ANO3: variants seen among roughly 807,000 people sequenced by gnomAD.
ANO3 encodes the protein anoctamin-3.
In ANO3, 99 loss-of-function variants were observed where a neutral mutation model predicts 144.8. The observed-to-expected ratio is 0.68, with a 90% CI of 0.58 to 0.81. The LOEUF (loss-of-function observed/expected upper bound fraction) is 0.81. Among genes scored for constraint, ANO3 ranks in the 30% least tolerant of loss-of-function variants. The probability of loss-of-function intolerance (pLI) is 0.00; values close to 1 mark genes in which losing one functional copy is unlikely to be tolerated. For synonymous variants in ANO3, 414 were observed against 392.6 expected, an observed-to-expected ratio of 1.05 and a Z score of -0.64; for missense variants, 905 against 1,202.2, an observed-to-expected ratio of 0.75 and a Z score of 3.66.
intron 1 of ANO3, among the ~76,000 whole-genome samples, chr11:26,244,132 G>GAAAAGA (rs201198997): frequency 7.0e-4 from 98 of 139,362 alleles, no homozygotes; most frequent in South Asian, 1.8e-3. Flanking sequence ...AAAAAAAAAA[G>GAAAAGA]AAAAGAAAAA....
intron 14 of ANO3, among the ~76,000 whole-genome samples, chr11:26,573,559 C>T (rs1449445044): frequency 6.6e-6 from 1 of 152,112 alleles, no homozygotes; most frequent in African/African-American, 2.4e-5. Flanking sequence ...GCCTTTTCTG[C>T]AATATGTGTG....
chr11:26,388,145 C>A (rs12287626), intron 1 of ANO3, among the ~76,000 whole-genome samples: 39,809 of 148,594 alleles, frequency 0.27, 5,926 homozygotes, highest in African/African-American at 0.41. Context: ...TATTTTTTAT[C>A]AACTTTGTAT....
intron 2 of ANO3, among the ~76,000 whole-genome samples, chr11:26,442,569 G>T (rs1783009766): frequency 6.6e-6 from 1 of 152,168 alleles, no homozygotes; most frequent in Admixed American, 6.5e-5. Flanking sequence ...GGCAACCCAA[G>T]GCTGGTGTGC....
intron 1 of ANO3, among the ~76,000 whole-genome samples, chr11:26,224,248 T>G (rs112956744): frequency 7.1e-4 from 108 of 152,310 alleles, no homozygotes; most frequent in African/African-American, 2.5e-3. Flanking sequence ...AGTGACTGGA[T>G]GCACAGGGCC....
chr11:26,207,425 T>G (rs751607129), intron 1 of ANO3, among the ~76,000 whole-genome samples: 5 of 152,140 alleles, frequency 3.3e-5, no homozygotes, highest in Non-Finnish European at 7.4e-5. Context: ...CGGGTTTGCA[T>G]TCACATATTT....
chr11:26,226,589 C>G (rs1852261821), intron 1 of ANO3, among the ~76,000 whole-genome samples: 1 of 151,962 alleles, frequency 6.6e-6, no homozygotes, highest in Non-Finnish European at 1.5e-5. Flanking sequence ...TTCCCTTCTC[C>G]CCTACTTAAT....
At chr11:26,404,931 A>ATGTG (rs779394110) in intron 1 of ANO3, among the ~76,000 whole-genome samples, 1,172 of 39,246 alleles carry the variant, frequency 0.03, 9 homozygotes, top group South Asian at 0.087. Flanking sequence ...GAATTTATAT[A>ATGTG]TATGTGTGTG....
chr11:26,578,480 G>C (rs955929040), intron 14 of ANO3, among the ~76,000 whole-genome samples: 1 of 152,156 alleles, frequency 6.6e-6, no homozygotes, highest in Non-Finnish European at 1.5e-5. Context: ...GATACAAAAG[G>C]CTTTGCCTTG....
intron 1 of ANO3, among the ~76,000 whole-genome samples, chr11:26,217,116 G>A (rs1852049349): frequency 6.6e-6 from 1 of 151,878 alleles, no homozygotes; most frequent in Non-Finnish European, 1.5e-5. Flanking sequence ...CACATTTGAT[G>A]TTGTACCTAA....
intron 1 of ANO3, among the ~76,000 whole-genome samples, chr11:26,299,957 G>A (rs1159303215): frequency 1.3e-5 from 2 of 152,108 alleles, no homozygotes; most frequent in Non-Finnish European, 2.9e-5. Flanking sequence ...GATATAGGGA[G>A]GAGGTGTTGG....
rs1442613633 is a variant in ANO3 at position 26,501,877 on chromosome 11, AC to A, written c.433-6225del. ...AATAGGGTGCTGGAACAGTTGGATA[AC>A]CATGTGAGAGGGTGGTATAAAGAAG... On this transcript the variant is annotated intron_variant, in intron 4 of 26. Coordinates refer to ENST00000256737, the MANE Select transcript of ANO3 (RefSeq NM_031418.4). Among the ~76,000 whole-genome samples the A allele has an allele frequency of 2.0e-5, 3 of 152,302 alleles. No individual in the cohort carries two copies. In the East Asian group the frequency reaches 5.8e-4, roughly 29 times the overall value.
At chr11:26,506,821 G>A (rs1290265842) in intron 4 of ANO3, among the ~76,000 whole-genome samples, 6 of 152,208 alleles carry the variant, frequency 3.9e-5, no homozygotes, top group South Asian at 2.1e-4. Context: ...TGAATGACTC[G>A]TTGGCCTTTA....
rs780175936 is a variant in ANO3, at chr11:26,553,225, T to G, written c.1290-24T>G. 6 of 1,255,390 alleles carry G rather than the reference T, an allele frequency of 4.8e-6. 1 individual carries two copies. The highest frequency in any genetic ancestry group is 1.3e-5 in the South Asian group (1 of 78,408). 77.8% of individuals were successfully genotyped at this position (1,255,390 alleles called of 1,614,324 possible). On this transcript the variant is annotated intron_variant, in intron 12 of 26. Coordinates refer to ENST00000256737, the MANE Select transcript of ANO3 (RefSeq NM_031418.4). Reference sequence around the variant, plus strand: ...CAGTTTCATGCTATGTTTTGTTTTGTTTTTGTTTTTGTTTTTTCTCAAGCC... The same window carrying G: ...CAGTTTCATGCTATGTTTTGTTTTGGTTTTGTTTTTGTTTTTTCTCAAGCC...
In ANO3 at chr11:26,436,568, C is replaced by T. The variant is rs190365273; in HGVS notation, c.47-5350C>T. On this transcript the variant is annotated intron_variant, in intron 1 of 26. Coordinates refer to ENST00000256737, the MANE Select transcript of ANO3 (RefSeq NM_031418.4). The stretch of plus-strand genomic sequence containing the variant: ...ATCCTAGGGAGGTATGGACCTGCTG[C>T]CAGCCCCAACACACTGGCAGGGGTG... 1.3e-3 allele frequency among the ~76,000 whole-genome samples: 193 copies of T among 152,204 alleles called. 1 individual carries two copies. Among genetic ancestry groups the T allele is most frequent in the African/African-American group, 4.4e-3 (181 of 41,540 alleles).
chr11:26,636,718 C>T lies in ANO3; in HGVS notation c.2043+1648C>T, dbSNP rs139302182. Among the ~76,000 whole-genome samples the T allele has an allele frequency of 4.6e-4, 70 of 152,292 alleles. No individual in the cohort carries two copies. In the East Asian group the frequency reaches 5.8e-3, roughly 13 times the overall value. On this transcript the variant is annotated intron_variant, in intron 20 of 26. Coordinates refer to ENST00000256737, the MANE Select transcript of ANO3 (RefSeq NM_031418.4). Reference sequence around the variant, plus strand: ...CTCTGAACACTGTGCTTTCCAGCCACGAGTAGGATGGCGTGTAGGTATAAT... The same window carrying T: ...CTCTGAACACTGTGCTTTCCAGCCATGAGTAGGATGGCGTGTAGGTATAAT...
At chr11:26,417,000 T>A (rs767162024) in intron 1 of ANO3, among the ~76,000 whole-genome samples, 1 of 152,188 alleles carries the variant, frequency 6.6e-6, no homozygotes, top group South Asian at 2.1e-4. Context: ...GAAACAAATG[T>A]AGCAAAGAGG....
rs182639737 is a variant in ANO3, at chr11:26,214,331, A to G, written c.154+25001A>G. Among the ~76,000 whole-genome samples the G allele has an allele frequency of 3.1e-4, 47 of 151,990 alleles. No individual in the cohort carries two copies. In the Middle Eastern group the frequency reaches 0.014, roughly 44 times the overall value. On this transcript the variant is annotated intron_variant, in intron 1 of 27. Coordinates refer to the ANO3 transcript ENST00000672621. ...AGTGTAGGGTAGGATGGAACCTTCCAGTTTCTGTGAGTTTACAACTGTCAT... is the reference window on the plus strand; with the variant it reads ...AGTGTAGGGTAGGATGGAACCTTCCGGTTTCTGTGAGTTTACAACTGTCAT...
chr11:26,481,629 G>T lies in ANO3; in HGVS notation c.432+18481G>T, dbSNP rs1860220618. On this transcript the variant is annotated intron_variant, in intron 4 of 26. Transcript: ENST00000256737. ...AAGGAGCTTGATCATGTCTAGGATG[G>T]AGCCTATTGATAAAATTTATCTTCA... 2.0e-5 allele frequency among the ~76,000 whole-genome samples: 3 copies of T among 152,168 alleles called. No individual in the cohort carries two copies. The South Asian group carries it at 6.2e-4, about 32-fold the overall frequency.
chr11:26,432,174 T>G (rs1858125695), intron 1 of ANO3, among the ~76,000 whole-genome samples: 1 of 152,220 alleles, frequency 6.6e-6, no homozygotes, highest in Non-Finnish European at 1.5e-5. Flanking sequence ...TTGAGCTTTT[T>G]TTTCCCATAA....
Sources: allele counts gnomAD v4.1 joint callset (sites outside exome capture counted in the v4.1 genomes callset), GRCh38; gene constraint gnomAD v4.1.1; transcripts MANE v1.5; gene names NCBI Gene and HGNC (gene_info 2026-07-23, HGNC 2026-07-21).